RNF213: variants seen among roughly 807,000 people sequenced by gnomAD.
RNF213 encodes the protein ring finger protein 213, also known as E3 ubiquitin-protein ligase RNF213.
RNF213 carries 341 observed loss-of-function variants against 514.4 expected under a neutral mutation model. The observed-to-expected ratio is 0.66, with a 90% CI of 0.61 to 0.73. The LOEUF (loss-of-function observed/expected upper bound fraction) is 0.73, where lower values mean the gene tolerates loss of function less well. Among genes scored for constraint, RNF213 ranks in the 30% least tolerant of loss-of-function variants. RNF213 has a pLI of 0.00. For missense variants in RNF213, 5,767 were observed against 6,615.6 expected (o/e 0.87, Z 4.45); for synonymous variants, 2,655 against 2,658.2 (o/e 1.00, Z 0.04).
Position 80,386,749 on chromosome 17 carries a change from G to A in RNF213, c.14780G>A (p.Arg4927Gln), listed in dbSNP as rs371045041. Reference sequence around the variant, plus strand: ...CATGTCATCAGTTATGAAGTGGAGCGGGACCTGACTCCACTGATTCTCTCC... The same window carrying A: ...CATGTCATCAGTTATGAAGTGGAGCAGGACCTGACTCCACTGATTCTCTCC... ...ELHVISYEVERDLTPLILSNC... is the reference protein window; with the variant it reads ...ELHVISYEVEQDLTPLILSNC... Residue 4927 changes from arginine to glutamine, a missense_variant, in exon 63 of 68, where the codon CGG (arginine) becomes CAG (glutamine). Coordinates refer to ENST00000582970, the MANE Select transcript of RNF213 (RefSeq NM_001256071.3). 4.6e-5 allele frequency: 74 copies of A among 1,614,150 alleles called. No homozygotes were observed. The highest frequency in any genetic ancestry group is 3.3e-4 in the Middle Eastern group (2 of 6,062).
rs556698877 is a variant in RNF213 at position 80,349,880 on chromosome 17, C to A, written c.10062C>A (p.Thr3354=). 1.9e-6 allele frequency: 3 copies of A among 1,613,804 alleles called. No homozygotes were observed. The highest frequency in any genetic ancestry group is 1.3e-5 in the African/African-American group (1 of 74,896). ...PTLLWLQQFD[T]EYSFLKEVRN... ...TCCTGTGGCTGCAGCAGTTTGACAC[C>A]GAGTACTCATTCCTCAAAGAAGTCC... is the stretch of plus-strand genomic sequence containing the variant. Residue 3354 remains threonine (T), a synonymous_variant, in exon 30 of 68, where the codon ACC becomes ACA. Transcript: ENST00000582970.
chr17:80,350,275 C>A, intron 30 of RNF213, 26 bp from the exon 31 acceptor site: 1 of 1,395,364 alleles, frequency 7.2e-7, no homozygotes, highest in Non-Finnish European at 1.0e-6. Flanking sequence ...AGAGAACTCA[C>A]TTGAATAACT....
chr17:80,367,975 C>T lies in RNF213; in HGVS notation c.11987C>T (p.Pro3996Leu), dbSNP rs375587766. 2.3e-5 allele frequency: 37 copies of T among 1,614,124 alleles called. No individual in the cohort carries two copies. The Middle Eastern group carries it at 6.6e-4, about 29-fold the overall frequency. ...TTGGATTCTAGGTTTGGGATTCAGC[C>T]GTGCTCCATCTGCCTGGGAGATGCA... is the stretch of plus-strand genomic sequence containing the variant. ...SKTLSRFGIQ[P>L]CSICLGDAKD... Residue 3996 changes from proline to leucine, a missense_variant, in exon 44 of 68, where the codon CCG (proline) becomes CTG (leucine). By Grantham distance (98) the Pro-to-Leu change is moderately conservative (BLOSUM62 -3). Coordinates refer to ENST00000582970, the MANE Select transcript of RNF213 (RefSeq NM_001256071.3).
At chr17:80,290,273 C>T (rs768110157) in intron 6 of RNF213, among the ~76,000 whole-genome samples, 7 of 152,218 alleles carry the variant, frequency 4.6e-5, no homozygotes, top group Non-Finnish European at 7.3e-5. Flanking sequence ...ATTACGAACA[C>T]AAGGACCATG....
At chr17:80,268,973 C>T (rs78540366) in intron 2 of RNF213, among the ~76,000 whole-genome samples, 2,895 of 152,170 alleles carry the variant, frequency 0.019, 58 homozygotes, top group East Asian at 0.11. Context: ...GGCTGAAGAC[C>T]CGAGATCCCC....
At position 80,343,108 on chromosome 17, in the gene RNF213, C is replaced by T. The variant is rs375963112; in HGVS notation, c.5990-24C>T. The T allele has an allele frequency of 1.4e-5, 22 of 1,602,534 alleles. No homozygotes were observed. Among genetic ancestry groups the T allele is most frequent in the African/African-American group, 1.2e-4 (9 of 74,636 alleles). The stretch of plus-strand genomic sequence containing the variant: ...CAGGTGTGAGCCACCACTCCCAGCC[C>T]TAATTTCTGTATTAATGTTATAGGA... On this transcript the variant is annotated intron_variant, in intron 26 of 67. Coordinates refer to ENST00000582970, the MANE Select transcript of RNF213 (RefSeq NM_001256071.3). The surrounding 1 kb of genome is among the most constrained non-coding windows in gnomAD (Gnocchi z 4.3).
At position 80,263,751 on chromosome 17, in the gene RNF213, A is replaced by G; in HGVS notation, c.70A>G (p.Arg24Gly). The G allele has an allele frequency of 6.2e-7, 1 of 1,614,022 alleles. No homozygotes were observed. ...CAAGTTCTGCAGCCAGTGCGGAGAG[A>G]GGCTGCCTCCTGCAGCCCCCATAGC... ...TPKFCSQCGE[R>G]LPPAAPIADS... is the part of the protein sequence containing the mutation. The change falls in exon 2 of 68, where the codon AGG becomes GGG. Residue 24 changes from arginine (R) to glycine (G), a missense_variant. Around this residue, in one of 13 missense-constraint regions of RNF213, gnomAD observed 509 missense variants for 496.7 expected, o/e 1.02. Transcript: ENST00000582970. The surrounding 1 kb of genome is among the most constrained non-coding windows in gnomAD (Gnocchi z 4.9).
Position 80,381,736 on chromosome 17 carries a change from A to AG in RNF213, c.13978+13dup, listed in dbSNP as rs1309478183. The AG allele has an allele frequency of 1.2e-6, 2 of 1,611,450 alleles. No homozygotes were observed. Among genetic ancestry groups the AG allele is most frequent in the African/African-American group, 2.7e-5 (2 of 74,916 alleles). On this transcript the variant is annotated intron_variant, in intron 57 of 67. Transcript: ENST00000582970. ...CCAGCTCTCTAGCAGAAGTGAGGAA[A>AG]GGGGCAAGGGCTGGGCGGGGATCAC...
At position 80,347,704 on chromosome 17, in the gene RNF213, C is replaced by T. The variant is rs115135971; in HGVS notation, c.9369C>T (p.Leu3123=). Residue 3123 remains leucine, a synonymous_variant, in exon 29 of 68, where the codon CTC becomes CTT. Coordinates refer to ENST00000582970, the MANE Select transcript of RNF213 (RefSeq NM_001256071.3). The surrounding 1 kb of genome is among the most constrained non-coding windows in gnomAD (Gnocchi z 7.2). The part of the protein sequence containing the change: ...YDALNQYYVH[L]GGQKYVDLGL... ...CACTCAACCAGTACTACGTCCACCT[C>T]GGCGGCCAGAAGTACGTGGACCTCG... 2.5e-4 allele frequency: 408 copies of T among 1,613,988 alleles called. No individual in the cohort carries two copies. In the African/African-American group the frequency reaches 4.6e-3, roughly 18 times the overall value.
Position 80,344,661 on chromosome 17 carries a change from A to G in RNF213, c.6343-17A>G. 1 of 1,614,012 alleles carries G rather than the reference A, an allele frequency of 6.2e-7. No homozygotes were observed. ...AAGTCTTCTTGTAACCATTTCATTA[A>G]TGTCTCTCCTTTCCAGCGTACACGT... On this transcript the variant is annotated splice_polypyrimidine_tract_variant and intron_variant, in intron 28 of 67. Transcript: ENST00000582970.
At chr17:80,267,713 T>C (rs145633285) in intron 2 of RNF213, among the ~76,000 whole-genome samples, 57 of 152,256 alleles carry the variant, frequency 3.7e-4, no homozygotes, top group Non-Finnish European at 7.3e-4. Flanking sequence ...CTCCATAACA[T>C]AAAAGTGCAA....
At chr17:80,274,614 G>T (rs112599521) in intron 3 of RNF213, among the ~76,000 whole-genome samples, 1 of 4,474 alleles carries the variant, frequency 2.2e-4, no homozygotes, top group Admixed American at 1.9e-3. Flanking sequence ...GAGTGTGGGG[G>T]GTGAGTGGGG....
intron 3 of RNF213, among the ~76,000 whole-genome samples, chr17:80,280,722 A>G (rs1249649377): frequency 6.6e-6 from 1 of 152,096 alleles, no homozygotes. Flanking sequence ...CCCAAAGTGC[A>G]GGGATTACAG....
At chr17:80,312,216 C>T (rs1487871458) in intron 14 of RNF213, among the ~76,000 whole-genome samples, 1 of 152,190 alleles carries the variant, frequency 6.6e-6, no homozygotes, top group Admixed American at 6.5e-5. Flanking sequence ...GTGGCCCTGA[C>T]CCCTGACCTG....
Position 80,294,645 on chromosome 17 carries a change from C to T in RNF213, c.1472-75C>T, listed in dbSNP as rs2044868449. On this transcript the variant is annotated intron_variant, in intron 8 of 67. Transcript: ENST00000582970. ...CCATATCTGTACCAGTCGTGATCAG[C>T]CTTCTAGGCTAGTGTCTAGGTCTCC... is the stretch of plus-strand genomic sequence containing the variant. 11 of 1,552,928 alleles carry T rather than the reference C, an allele frequency of 7.1e-6. No homozygotes were observed. In the Admixed American group the frequency reaches 1.7e-4, roughly 24 times the overall value.
intron 10 of RNF213, among the ~76,000 whole-genome samples, chr17:80,296,526 T>C (rs947256924): frequency 6.6e-6 from 1 of 152,122 alleles, no homozygotes; most frequent in Non-Finnish European, 1.5e-5. Flanking sequence ...AAATGTTCAG[T>C]GGTGAGAAGG....
In RNF213 at chr17:80,337,839, C is replaced by G; in HGVS notation, c.4675C>G (p.Pro1559Ala). The G allele has an allele frequency of 6.5e-7, 1 of 1,537,066 alleles. No homozygotes were observed. Among genetic ancestry groups the G allele is most frequent in the South Asian group, 1.2e-5 (1 of 84,058 alleles). ...QAPKGGQKIS[P>A]DTVLHLILPE... Reference sequence around the variant, plus strand: ...TAACCTATGCTCTTCACAGATTTCCCCAGACACGGTTCTGCACTTGATCCT... The same window carrying G: ...TAACCTATGCTCTTCACAGATTTCCGCAGACACGGTTCTGCACTTGATCCT... The change falls in exon 25 of 68, where the codon CCA becomes GCA. Residue 1559 changes from proline to alanine, a missense_variant. This residue lies in a region of RNF213 where 1,377 missense variants were observed against 1,635.2 expected (regional missense o/e 0.84). Coordinates refer to ENST00000582970, the MANE Select transcript of RNF213 (RefSeq NM_001256071.3).
chr17:80,313,387 C>T (rs1461945453), intron 15 of RNF213, among the ~76,000 whole-genome samples: 2 of 151,976 alleles, frequency 1.3e-5, no homozygotes, highest in Admixed American at 1.3e-4. Flanking sequence ...TGCCTCGTGT[C>T]CCCTGGCCGG....
At chr17:80,324,827 G>T (rs1444387248) in intron 17 of RNF213, among the ~76,000 whole-genome samples, 1 of 152,066 alleles carries the variant, frequency 6.6e-6, no homozygotes, top group African/African-American at 2.4e-5. Flanking sequence ...TCTGGTGCTG[G>T]ACACTTAAGG....
Sources: gnomAD v4.1 joint callset for allele counts (sites outside exome capture counted in the v4.1 genomes callset) on GRCh38, gnomAD v4.1.1 for gene constraint, gnomAD v4.1.1 regional missense constraint, Gnocchi (gnomAD v3.1) non-coding constraint, MANE v1.5 for transcripts, NCBI Gene and HGNC (gene_info 2026-07-23, HGNC 2026-07-21) for gene names.